The following ADCY2 variants were observed in gnomAD, a reference collection of about 807,000 sequenced individuals.
The protein encoded by ADCY2 is adenylate cyclase 2.
In ADCY2, 31 loss-of-function variants were observed where a neutral mutation model predicts 125.2. The observed-to-expected ratio is 0.25, with a 90% CI of 0.19 to 0.33. The LOEUF is 0.33. Ranked by LOEUF, ADCY2 falls within the 10% of genes least tolerant of loss-of-function variation. ADCY2 has a pLI of 1.00. For missense variants in ADCY2, 904 were observed against 1,418.2 expected, an observed-to-expected ratio of 0.64 and a Z score of 5.82; for synonymous variants, 512 against 548.4, an observed-to-expected ratio of 0.93 and a Z score of 0.93.
At chr5:7,408,985 C>T (rs1313793090) in intron 1 of ADCY2, among the ~76,000 whole-genome samples, 2 of 152,106 alleles carry the variant, frequency 1.3e-5, no homozygotes, top group Non-Finnish European at 2.9e-5. Flanking sequence ...AACCTAAATG[C>T]CCATCAATGG....
At chr5:7,613,132 A>G (rs938786608) in intron 3 of ADCY2, among the ~76,000 whole-genome samples, 13 of 151,836 alleles carry the variant, frequency 8.6e-5, no homozygotes, top group African/African-American at 1.5e-4. Context: ...CATTGTACAC[A>G]TGTACCCTAA....
chr5:7,752,298 G>A (rs553603027), intron 15 of ADCY2, among the ~76,000 whole-genome samples: 28 of 152,230 alleles, frequency 1.8e-4, no homozygotes, highest in African/African-American at 6.7e-4. Context: ...CAGAATGACG[G>A]TCCTCAGCTA....
intron 3 of ADCY2, among the ~76,000 whole-genome samples, chr5:7,622,904 T>G (rs1196826294): frequency 2.0e-5 from 3 of 152,048 alleles, no homozygotes; most frequent in African/African-American, 4.8e-5. Flanking sequence ...TGCCCCAGCG[T>G]GGGGGAAGAA....
intron 3 of ADCY2, among the ~76,000 whole-genome samples, chr5:7,571,222 A>G (rs1736056402): frequency 1.3e-5 from 2 of 152,252 alleles, no homozygotes; most frequent in African/African-American, 2.4e-5. Flanking sequence ...GAGAAATTCC[A>G]TGATCTATCA....
rs983846226 is a variant in ADCY2, at chr5:7,483,417, A to T, written c.409-37321A>T. Among the ~76,000 whole-genome samples the T allele has an allele frequency of 8.2e-5, 11 of 134,274 alleles. No individual in the cohort carries two copies. The East Asian group carries it at 2.0e-3, about 24-fold the overall frequency. 88.1% of individuals were successfully genotyped at this position (134,274 alleles called of 152,430 possible). ...GTGATGATTGAAAACTGCAGTACAT[A>T]AAAAAAAAAAAGCATTTCATCTTAG... is the stretch of plus-strand genomic sequence containing the variant. On this transcript the variant is annotated intron_variant, in intron 2 of 24. Coordinates refer to ENST00000338316, the MANE Select transcript of ADCY2 (RefSeq NM_020546.3).
chr5:7,626,283 G>A lies in ADCY2; in HGVS notation c.687G>A (p.Ser229=), dbSNP rs149422716. The change falls in exon 4 of 25, where the codon TCG becomes TCA. Residue 229 remains serine, a synonymous_variant. Transcript: ENST00000338316. ...TYQDTCNCIK[S]RIKLEFEKRQ... The stretch of plus-strand genomic sequence containing the variant: ...AGGACACCTGTAATTGCATCAAGTC[G>A]CGGATCAAGTTGGAATTTGAAAAAC... 100 of 1,613,892 alleles carry A rather than the reference G, an allele frequency of 6.2e-5. No individual in the cohort carries two copies. The highest frequency in any genetic ancestry group is 1.5e-4 in the South Asian group (14 of 91,072).
At chr5:7,780,372 T>TAAG (rs1405302259) in intron 18 of ADCY2, among the ~76,000 whole-genome samples, 4 of 152,230 alleles carry the variant, frequency 2.6e-5, no homozygotes, top group Non-Finnish European at 5.9e-5. Context: ...CGTTTGATAC[T>TAAG]GACGATTCCT....
intron 3 of ADCY2, among the ~76,000 whole-genome samples, chr5:7,534,497 T>C (rs2126550901): frequency 6.6e-6 from 1 of 152,254 alleles, no homozygotes; most frequent in African/African-American, 2.4e-5. Context: ...AAACATAAGA[T>C]GAGGGAGGGA....
intron 22 of ADCY2, among the ~76,000 whole-genome samples, chr5:7,815,442 G>A (rs1745078405): frequency 6.6e-6 from 1 of 152,148 alleles, no homozygotes; most frequent in African/African-American, 2.4e-5. Context: ...CAGGCAGGCT[G>A]GAACAGAAAC....
intron 2 of ADCY2, among the ~76,000 whole-genome samples, chr5:7,469,424 C>T (rs1453664852): frequency 6.6e-6 from 1 of 151,788 alleles, no homozygotes; most frequent in Non-Finnish European, 1.5e-5. Context: ...TTTGTCATAA[C>T]GTAACAGTCC....
At chr5:7,558,259 C>A (rs796561420) in intron 3 of ADCY2, among the ~76,000 whole-genome samples, 62 of 152,056 alleles carry the variant, frequency 4.1e-4, no homozygotes, top group African/African-American at 1.4e-3. Flanking sequence ...TGCCATGTTG[C>A]CGAGGCTGGT....
intron 22 of ADCY2, among the ~76,000 whole-genome samples, chr5:7,811,273 C>G (rs574178578): frequency 5.3e-5 from 8 of 152,062 alleles, no homozygotes; most frequent in African/African-American, 1.4e-4. Context: ...GGGGCCAAGG[C>G]GGGTGGATCA....
At chr5:7,812,966 C>G (rs965324871) in intron 22 of ADCY2, among the ~76,000 whole-genome samples, 3 of 152,304 alleles carry the variant, frequency 2.0e-5, no homozygotes, top group Non-Finnish European at 4.4e-5. Flanking sequence ...GTGAGGAAAA[C>G]TGAGGCCCAG....
chr5:7,562,306 A>T (rs1028519498), intron 3 of ADCY2, among the ~76,000 whole-genome samples: 2 of 151,870 alleles, frequency 1.3e-5, no homozygotes, highest in Non-Finnish European at 2.9e-5. Context: ...CCCTGATTTT[A>T]TTTTTTTATT....
chr5:7,666,470 G>C (rs1040236394), intron 4 of ADCY2, among the ~76,000 whole-genome samples: 2 of 149,614 alleles, frequency 1.3e-5, no homozygotes, highest in African/African-American at 4.9e-5. Flanking sequence ...GGGTTTCACC[G>C]TGTTAGTCAG....
intron 4 of ADCY2, among the ~76,000 whole-genome samples, chr5:7,651,536 G>A (rs1739089451): frequency 6.6e-6 from 1 of 152,156 alleles, no homozygotes. Flanking sequence ...GGAAGACTAA[G>A]CCAGTCTAGT....
intron 4 of ADCY2, among the ~76,000 whole-genome samples, chr5:7,673,269 A>AAAATATATATATATATATAT (rs1554030659): frequency 2.5e-4 from 1 of 3,930 alleles, no homozygotes; most frequent in African/African-American, 6.4e-4. Flanking sequence ...AAAAAAAAAA[A>AAAATATATATATATATATAT]ATATATATAT....
chr5:7,544,565 C>T (rs1735092621), intron 3 of ADCY2, among the ~76,000 whole-genome samples: 1 of 152,176 alleles, frequency 6.6e-6, no homozygotes, highest in Non-Finnish European at 1.5e-5. Context: ...CCATCTCAAG[C>T]TCCTGAGGTT....
intron 1 of ADCY2, among the ~76,000 whole-genome samples, chr5:7,412,250 C>G (rs756066084): frequency 6.6e-5 from 10 of 152,036 alleles, no homozygotes; most frequent in Non-Finnish European, 1.5e-4. Flanking sequence ...GATCTAAGAG[C>G]CAGTAAAGTC....
Sources: allele counts gnomAD v4.1 joint callset (sites outside exome capture counted in the v4.1 genomes callset), GRCh38; gene constraint gnomAD v4.1.1; transcripts MANE v1.5; gene names NCBI Gene and HGNC (gene_info 2026-07-23, HGNC 2026-07-21).